The following PPL variants were observed in gnomAD, a reference collection of about 807,000 sequenced individuals.
PPL encodes periplakin.
Under a neutral mutation model 194.4 loss-of-function variants are expected in PPL, and 198 were observed. The observed-to-expected ratio is 1.02, with a 90% CI of 0.91 to 1.15. The LOEUF is 1.15. PPL is among the 50% of genes most tolerant of loss of function. The pLI is 0.00. For synonymous variants in PPL, 1,220 were observed against 972.4 expected (o/e 1.25, Z -4.74); for missense variants, 2,885 against 2,294.8 (o/e 1.26, Z -5.25).
rs778090313 is a variant in PPL at position 4,890,153 on chromosome 16, G to A, written c.2313+31C>T. 38 of 1,613,676 alleles carry A rather than the reference G, an allele frequency of 2.4e-5. No homozygotes were observed. In the African/African-American group the frequency reaches 4.4e-4, roughly 19 times the overall value. On this transcript the variant is annotated intron_variant, in intron 18 of 21. Coordinates refer to ENST00000345988, the MANE Select transcript of PPL (RefSeq NM_002705.5). Reference sequence around the variant, plus strand: ...ACCTCTGACCCTCCCTTGCCAGTGTGTGCCTGGGGCTGCGGAAACGGCCAT... The same window carrying A: ...ACCTCTGACCCTCCCTTGCCAGTGTATGCCTGGGGCTGCGGAAACGGCCAT...
chr16:4,904,047 G>C lies in PPL; in HGVS notation c.163-7C>G, dbSNP rs1293871707. The C allele has an allele frequency of 6.2e-7, 1 of 1,609,968 alleles. No individual in the cohort carries two copies. The highest frequency in any genetic ancestry group is 1.1e-5 in the South Asian group (1 of 90,868). Reference sequence around the variant, plus strand: ...CCTGCAGCCGAGCCAGGTCCTGTGAGGGTCACAAGAGAGGGGACAATGAAC... The same window carrying C: ...CCTGCAGCCGAGCCAGGTCCTGTGACGGTCACAAGAGAGGGGACAATGAAC... On this transcript the variant is annotated splice_polypyrimidine_tract_variant and splice_region_variant and intron_variant, in intron 2 of 21. Transcript: ENST00000345988.
intron 10 of PPL, 58 bp downstream of exon 10, chr16:4,895,536 A>G (rs957276474): frequency 1.2e-6 from 2 of 1,611,496 alleles, no homozygotes; most frequent in African/African-American, 1.3e-5. Flanking sequence ...GAGGGCAGGC[A>G]TGGTGTAGAG....
Position 4,937,135 on chromosome 16 carries a change from G to C in PPL, c.-90C>G, listed in dbSNP as rs966484445. ...AGCGCAGGTGAGCGAGCGGCGGCGC[G>C]GGGAGCCCGGACTGCGGCGCGGCAG... is the stretch of plus-strand genomic sequence containing the variant. On this transcript the variant is annotated 5_prime_UTR_variant, in exon 1 of 22. Transcript: ENST00000345988. 25 of 911,830 alleles carry C rather than the reference G, an allele frequency of 2.7e-5. No homozygotes were observed. Among genetic ancestry groups the C allele is most frequent in the Non-Finnish European group, 3.2e-5 (24 of 748,642 alleles). 56.5% of individuals were successfully genotyped at this position (911,830 alleles called of 1,614,324 possible).
Position 4,890,248 on chromosome 16 carries a change from G to T in PPL, c.2249C>A (p.Pro750His). 6.2e-7 allele frequency: 1 copy of T among 1,614,212 alleles called. No homozygotes were observed. Among genetic ancestry groups the T allele is most frequent in the South Asian group, 1.1e-5 (1 of 91,082 alleles). The change falls in exon 18 of 22, where the codon CCC becomes CAC. Residue 750 changes from proline to histidine, a missense_variant. Pro to His is a moderately conservative substitution (Grantham distance 77). Coordinates refer to ENST00000345988, the MANE Select transcript of PPL (RefSeq NM_002705.5). ...DHVLQFLVSI[P>H]SYEPQETDSL... ...GTCTGTCTCCTGGGGCTCGTAACTG[G>T]GGATGCTGACTAGGAACTGCAGCAC...
At chr16:4,935,499 G>C (rs190136445) in intron 1 of PPL, among the ~76,000 whole-genome samples, 44 of 152,326 alleles carry the variant, frequency 2.9e-4, no homozygotes, top group African/African-American at 1.0e-3. Context: ...CTCTGGTTGG[G>C]TCTGAGTGCC....
intron 1 of PPL, among the ~76,000 whole-genome samples, chr16:4,917,680 C>A (rs543046118): frequency 1.3e-5 from 2 of 152,010 alleles, no homozygotes; most frequent in Non-Finnish European, 2.9e-5. Context: ...GTGGGCAGAT[C>A]GCTTGAGACC....
chr16:4,935,386 G>T (rs1194244763), intron 1 of PPL, among the ~76,000 whole-genome samples: 1 of 152,148 alleles, frequency 6.6e-6, no homozygotes, highest in Non-Finnish European at 1.5e-5. Flanking sequence ...AGGACTGGAT[G>T]GGTCTAGTCT....
chr16:4,920,046 G>A (rs1158854328), intron 1 of PPL, among the ~76,000 whole-genome samples: 1 of 152,036 alleles, frequency 6.6e-6, no homozygotes, highest in Non-Finnish European at 1.5e-5. Flanking sequence ...AGCACTTTGG[G>A]AGGCCGAGGC....
intron 9 of PPL, 55 bp downstream of exon 9, chr16:4,897,620 G>T (rs1023379457): frequency 2.3e-5 from 32 of 1,411,472 alleles, no homozygotes; most frequent in Non-Finnish European, 3.2e-5. Flanking sequence ...GGCACTGAGC[G>T]CTCTCAGAGA....
chr16:4,894,705 A>T, intron 11 of PPL, 87 bp from the exon 12 acceptor site: 1 of 1,483,818 alleles, frequency 6.7e-7, no homozygotes, highest in Non-Finnish European at 9.1e-7. Context: ...CGACTCTTGG[A>T]CCTGGGGAGC....
intron 1 of PPL, among the ~76,000 whole-genome samples, chr16:4,936,527 C>T (rs1347773639): frequency 6.6e-6 from 1 of 152,228 alleles, no homozygotes; most frequent in Non-Finnish European, 1.5e-5. Context: ...AGTTTCCCTG[C>T]CTCAGGGCGC....
chr16:4,889,752 G>A (rs1199355231), intron 18 of PPL, among the ~76,000 whole-genome samples: 2 of 152,198 alleles, frequency 1.3e-5, no homozygotes, highest in Non-Finnish European at 2.9e-5. Context: ...CTTCTGAGGT[G>A]GGGATGTGGC....
At chr16:4,919,822 G>C (rs1408300306) in intron 1 of PPL, among the ~76,000 whole-genome samples, 3 of 152,152 alleles carry the variant, frequency 2.0e-5, no homozygotes, top group African/African-American at 4.8e-5. Context: ...CCAGTTCCTT[G>C]AGAAGCTTAG....
chr16:4,891,830 C>T lies in PPL; in HGVS notation c.1949G>A (p.Ser650Asn). ...TVPESSRVLD[S>N]KGQELAAMAC... is the part of the protein sequence containing the mutation. ...ACTCACCGCCAGCTCCTGCCCCTTG[C>T]TGTCCAGGACACGGCTGCTCTCAGG... is the stretch of plus-strand genomic sequence containing the variant. The change falls in exon 16 of 22, where the codon AGC becomes AAC. Residue 650 changes from serine to asparagine, a missense_variant. By Grantham distance (46) the Ser-to-Asn change is conservative (BLOSUM62 1). Transcript: ENST00000345988. The T allele has an allele frequency of 6.2e-7, 1 of 1,612,248 alleles. No individual in the cohort carries two copies. The highest frequency in any genetic ancestry group is 8.5e-7 in the Non-Finnish European group (1 of 1,179,418).
Position 4,888,138 on chromosome 16 carries a change from G to A in PPL, c.2478C>T (p.Ala826=), listed in dbSNP as rs200853161. ...CTTTGGTGGCAGGAGATTGGAGCCT[G>A]GCTCTCTTGCTCACGTGGCTTCTCC... is the stretch of plus-strand genomic sequence containing the variant. ...NGRRSHVSKR[A]RLQSPATKVK... Residue 826 remains alanine (A), a synonymous_variant, in exon 20 of 22, where the codon GCC becomes GCT. Transcript: ENST00000345988. 209 of 1,613,790 alleles carry A rather than the reference G, an allele frequency of 1.3e-4. No individual in the cohort carries two copies. Among genetic ancestry groups the A allele is most frequent in the Non-Finnish European group, 1.7e-4 (201 of 1,179,780 alleles).
intron 1 of PPL, among the ~76,000 whole-genome samples, chr16:4,923,072 A>G (rs754839111): frequency 7.2e-5 from 11 of 152,080 alleles, no homozygotes; most frequent in Non-Finnish European, 1.3e-4. Flanking sequence ...TTTGAAGGGT[A>G]CAGGGTGTTC....
Position 4,893,539 on chromosome 16 carries a change from A to T in PPL, c.1492+2T>A. The T allele has an allele frequency of 6.2e-7, 1 of 1,611,642 alleles. No individual in the cohort carries two copies. Among genetic ancestry groups the T allele is most frequent in the African/African-American group, 1.3e-5 (1 of 74,888 alleles). On this transcript the variant is annotated splice_donor_variant, in intron 13 of 21. Coordinates refer to ENST00000345988, the MANE Select transcript of PPL (RefSeq NM_002705.5). LOFTEE classifies it high-confidence loss of function. ...CCTCAGGCGAGTGGCCCTGGCACCC[A>T]CCTCCGGGATTCTCGGTCTTCAGCA...
chr16:4,888,914 G>A, intron 19 of PPL, 64 bp downstream of exon 19: 1 of 1,519,220 alleles, frequency 6.6e-7, no homozygotes, highest in African/African-American at 1.4e-5. Flanking sequence ...CTGCTTCTCT[G>A]ACCAGGGCAC....
chr16:4,910,929 G>C lies in PPL; in HGVS notation c.83C>G (p.Ser28Trp), dbSNP rs577728221. 1.9e-6 allele frequency: 3 copies of C among 1,613,034 alleles called. No homozygotes were observed. The highest frequency in any genetic ancestry group is 2.2e-5 in the South Asian group (2 of 91,070). Residue 28 changes from serine to tryptophan, a missense_variant, in exon 2 of 22, where the codon TCG (serine) becomes TGG (tryptophan). Ser to Trp is a radical substitution (Grantham distance 177). Coordinates refer to ENST00000345988, the MANE Select transcript of PPL (RefSeq NM_002705.5). ...CTTCTGCAGCTGCTCGATCAGCTCC[G>C]AGAGCTCCTTGTTAGAGATGCTGCG... The part of the protein sequence containing the change: ...QTRSISNKEL[S>W]ELIEQLQKNA...
Sources: allele counts gnomAD v4.1 joint callset (sites outside exome capture counted in the v4.1 genomes callset), GRCh38; gene constraint gnomAD v4.1.1; transcripts MANE v1.5; gene names NCBI Gene and HGNC (gene_info 2026-07-23, HGNC 2026-07-21).